The following GALNT17 variants were observed in gnomAD, a reference collection of about 807,000 sequenced individuals.
GALNT17 encodes the protein polypeptide N-acetylgalactosaminyltransferase 17, also known as UDP-GalNAc:polypeptide N-acetylgalactosaminyltransferase-like 3.
Under a neutral mutation model 63.7 loss-of-function variants are expected in GALNT17, and 29 were observed. The observed-to-expected ratio is 0.46, with a 90% CI of 0.34 to 0.62. The LOEUF is 0.62. GALNT17 is among the 20% of genes least tolerant of loss of function. GALNT17 has a pLI of 0.01. For missense variants in GALNT17, 603 were observed against 799.6 expected (o/e 0.75, Z 2.97); for synonymous variants, 305 against 318.3 (o/e 0.96, Z 0.45).
chr7:71,490,328 CT>C (rs1375815024), intron 5 of GALNT17, among the ~76,000 whole-genome samples: 1 of 151,806 alleles, frequency 6.6e-6, no homozygotes, highest in Non-Finnish European at 1.5e-5. Flanking sequence ...GTTTTCGTCT[CT>C]TTCTTCACCC....
intron 5 of GALNT17, among the ~76,000 whole-genome samples, chr7:71,445,758 C>T (rs888218584): frequency 6.6e-6 from 1 of 152,180 alleles, no homozygotes; most frequent in South Asian, 2.1e-4. Flanking sequence ...GCTCCCTGGA[C>T]CTTCTTTGCT....
At chr7:71,593,478 A>T (rs2116921358) in intron 6 of GALNT17, among the ~76,000 whole-genome samples, 1 of 151,988 alleles carries the variant, frequency 6.6e-6, no homozygotes, top group African/African-American at 2.4e-5. Context: ...GTTGGCTAGG[A>T]TGGTCGCTGT....
At chr7:71,541,319 G>C (rs1365261791) in intron 5 of GALNT17, among the ~76,000 whole-genome samples, 2 of 151,498 alleles carry the variant, frequency 1.3e-5, no homozygotes, top group Admixed American at 1.3e-4. Flanking sequence ...TACACTTCCC[G>C]AAGCAGGTGG....
chr7:71,309,334 C>A (rs1430055464), intron 1 of GALNT17, among the ~76,000 whole-genome samples: 2 of 152,096 alleles, frequency 1.3e-5, no homozygotes, highest in East Asian at 3.9e-4. Context: ...CTACCTGCCT[C>A]CCATCTCATT....
chr7:71,428,434 G>A (rs1426892089), intron 5 of GALNT17, among the ~76,000 whole-genome samples: 1 of 151,838 alleles, frequency 6.6e-6, no homozygotes, highest in Non-Finnish European at 1.5e-5. Context: ...TTTCTTGGTG[G>A]ACATCCCTTT....
chr7:71,276,204 A>G (rs12672144), intron 1 of GALNT17, among the ~76,000 whole-genome samples: 56,690 of 151,584 alleles, frequency 0.37, 11,040 homozygotes, highest in East Asian at 0.61. Context: ...CTGACTGGCT[A>G]GCTGGGTGGG....
intron 6 of GALNT17, among the ~76,000 whole-genome samples, chr7:71,604,709 G>A (rs575745964): frequency 1.3e-5 from 2 of 152,252 alleles, no homozygotes; most frequent in South Asian, 4.2e-4. Flanking sequence ...TCTGTTCGCT[G>A]GAGCTTTATA....
intron 1 of GALNT17, among the ~76,000 whole-genome samples, chr7:71,320,151 T>C (rs1791578211): frequency 6.6e-6 from 1 of 152,190 alleles, no homozygotes; most frequent in Admixed American, 6.5e-5. Context: ...TCTGCCCTCT[T>C]CACATGCATA....
rs372834774 is a variant in GALNT17, at chr7:71,385,208, C to T, written c.423-3027C>T. Among the ~76,000 whole-genome samples the T allele has an allele frequency of 3.9e-5, 6 of 152,126 alleles. No homozygotes were observed. The East Asian group carries it at 9.7e-4, about 25-fold the overall frequency. ...TGTGAGCCAAGCGATACCGAGAAAC[C>T]CAGGTAGACCCTCGAAAGGGGAGCG... On this transcript the variant is annotated intron_variant, in intron 2 of 10. Coordinates refer to ENST00000333538, the MANE Select transcript of GALNT17 (RefSeq NM_022479.3).
At chr7:71,578,774 A>G (rs1313477040) in intron 6 of GALNT17, among the ~76,000 whole-genome samples, 4 of 152,078 alleles carry the variant, frequency 2.6e-5, no homozygotes. Context: ...GTCTACAGCT[A>G]GCTCTTGCAA....
chr7:71,663,018 G>GAAAGTTAGTCC (rs1491459446), intron 6 of GALNT17, among the ~76,000 whole-genome samples: 45 of 152,110 alleles, frequency 3.0e-4, no homozygotes, highest in Admixed American at 8.5e-4. Flanking sequence ...CCATAAGTGT[G>GAAAGTTAGTCC]AGAGTTTATT....
intron 1 of GALNT17, among the ~76,000 whole-genome samples, chr7:71,302,189 G>C (rs1294081220): frequency 1.3e-5 from 2 of 152,112 alleles, no homozygotes; most frequent in African/African-American, 2.4e-5. Flanking sequence ...ACACACTGGG[G>C]CCTGTTGGGA....
At chr7:71,617,705 C>T (rs1259955200) in intron 6 of GALNT17, among the ~76,000 whole-genome samples, 2 of 151,904 alleles carry the variant, frequency 1.3e-5, no homozygotes, top group African/African-American at 2.4e-5. Flanking sequence ...TGCTGTGGCG[C>T]GATCTCGGCT....
intron 1 of GALNT17, among the ~76,000 whole-genome samples, chr7:71,301,394 A>G (rs895668267): frequency 1.4e-5 from 2 of 147,254 alleles, no homozygotes; most frequent in Non-Finnish European, 3.0e-5. Context: ...AATATATAAT[A>G]AAATATATAT....
intron 1 of GALNT17, among the ~76,000 whole-genome samples, chr7:71,276,861 C>T (rs541576677): frequency 4.1e-4 from 62 of 152,066 alleles, no homozygotes; most frequent in African/African-American, 3.4e-4. Context: ...AAGCAGGCAT[C>T]GTGGTGGGCA....
At chr7:71,429,182 A>T (rs1354023536) in intron 5 of GALNT17, among the ~76,000 whole-genome samples, 1 of 151,266 alleles carries the variant, frequency 6.6e-6, no homozygotes, top group South Asian at 2.1e-4. Context: ...CAGTACATAC[A>T]TCTGAAGGCA....
chr7:71,193,133 C>G (rs968644008), intron 1 of GALNT17, among the ~76,000 whole-genome samples: 2 of 151,364 alleles, frequency 1.3e-5, no homozygotes, highest in Non-Finnish European at 2.9e-5. Flanking sequence ...GGGTCTTGCT[C>G]TGTTGCCCAG....
intron 6 of GALNT17, among the ~76,000 whole-genome samples, chr7:71,600,300 A>C (rs1032920160): frequency 7.2e-6 from 1 of 138,882 alleles, no homozygotes; most frequent in Non-Finnish European, 1.5e-5. Context: ...GGATGATAAT[A>C]AAAAAAAAAT....
At chr7:71,224,054 T>C (rs1258315482) in intron 1 of GALNT17, among the ~76,000 whole-genome samples, 2 of 152,150 alleles carry the variant, frequency 1.3e-5, no homozygotes, top group African/African-American at 4.8e-5. Context: ...AGGTGTTCAA[T>C]ACATTTTTAT....
Sources: allele counts gnomAD v4.1 joint callset (sites outside exome capture counted in the v4.1 genomes callset), GRCh38; gene constraint gnomAD v4.1.1; transcripts MANE v1.5; gene names NCBI Gene and HGNC (gene_info 2026-07-23, HGNC 2026-07-21).